ANK3: variants seen among roughly 807,000 people sequenced by gnomAD.
The protein encoded by ANK3 is ankyrin 3.
Under a neutral mutation model 370.9 loss-of-function variants are expected in ANK3, and 57 were observed. The observed-to-expected ratio is 0.15, with a 90% CI of 0.12 to 0.19. ANK3 has a LOEUF of 0.19. ANK3 is among the 10% of genes least tolerant of loss of function. ANK3 has a pLI of 1.00. For missense variants in ANK3, 4,439 were observed against 5,302.1 expected, an observed-to-expected ratio of 0.84 and a Z score of 5.06; for synonymous variants, 1,929 against 1,946.3, an observed-to-expected ratio of 0.99 and a Z score of 0.23.
intron 1 of ANK3, among the ~76,000 whole-genome samples, chr10:60,371,968 T>C (rs2060162534): frequency 6.6e-6 from 1 of 152,196 alleles, no homozygotes; most frequent in African/African-American, 2.4e-5. Context: ...ATTTAGAATA[T>C]AATTTCTAAG....
chr10:60,189,497 G>C (rs2096428442), intron 16 of ANK3, among the ~76,000 whole-genome samples: 1 of 152,186 alleles, frequency 6.6e-6, no homozygotes, highest in Non-Finnish European at 1.5e-5. Context: ...AAAGTATAAA[G>C]CAAGGGAAAA....
intron 1 of ANK3, among the ~76,000 whole-genome samples, chr10:60,663,100 C>T (rs2078955175): frequency 6.6e-6 from 1 of 152,178 alleles, no homozygotes; most frequent in South Asian, 2.1e-4. Flanking sequence ...CCAAAATGAG[C>T]AATTCACATA....
intron 1 of ANK3, among the ~76,000 whole-genome samples, chr10:60,368,477 T>C (rs2132770533): frequency 6.6e-6 from 1 of 152,196 alleles, no homozygotes; most frequent in South Asian, 2.1e-4. Context: ...ATTCATGATG[T>C]TTATTGATTG....
chr10:60,116,921 G>A (rs193020009), intron 25 of ANK3, among the ~76,000 whole-genome samples: 79 of 152,240 alleles, frequency 5.2e-4, no homozygotes, highest in African/African-American at 1.9e-3. Context: ...GTACATCATC[G>A]TAACATTTCA....
chr10:60,322,830 G>T (rs1025424910), intron 1 of ANK3, among the ~76,000 whole-genome samples: 1 of 152,148 alleles, frequency 6.6e-6, no homozygotes, highest in African/African-American at 2.4e-5. Flanking sequence ...TGAATTTGGG[G>T]TATATTTTAA....
chr10:60,521,901 G>A (rs2076356141), intron 2 of ANK3, among the ~76,000 whole-genome samples: 1 of 152,034 alleles, frequency 6.6e-6, no homozygotes, highest in South Asian at 2.1e-4. Context: ...TATCAACAAT[G>A]CTTCTACTTT....
chr10:60,265,510 C>G (rs999721739), intron 5 of ANK3, among the ~76,000 whole-genome samples: 10 of 152,118 alleles, frequency 6.6e-5, no homozygotes, highest in African/African-American at 2.4e-4. Flanking sequence ...GTAGAAAAAT[C>G]CTAGGACTGG....
chr10:60,125,296 G>A (rs549728365), intron 25 of ANK3, among the ~76,000 whole-genome samples: 8 of 152,190 alleles, frequency 5.3e-5, no homozygotes, highest in East Asian at 1.9e-4. Context: ...TTATGAACTC[G>A]AACAAAAGAA....
At chr10:60,042,810 A>G (rs1396809623) in intron 42 of ANK3, 51 bp from the exon 43 acceptor site, 4 of 1,462,978 alleles carry the variant, frequency 2.7e-6, no homozygotes, top group Middle Eastern at 3.5e-4. Context: ...AGTGTTAGTT[A>G]TAAAGCAGTC....
Position 60,292,043 on chromosome 10 carries a change from G to A in ANK3, c.115-12404C>T, listed in dbSNP as rs568579348. Among the ~76,000 whole-genome samples, 57 of 152,118 alleles carry A rather than the reference G, an allele frequency of 3.7e-4. 3 individuals are homozygous for A. Among genetic ancestry groups the A allele is most frequent in the Admixed American group, 6.5e-5 (1 of 15,280 alleles). ...TGTTTTTCAAATTTAAAATGAAAAC[G>A]AATTATTCAACTTTATTTCATTAGG... On this transcript the variant is annotated intron_variant, in intron 1 of 43. Coordinates refer to ENST00000280772, the MANE Select transcript of ANK3 (RefSeq NM_020987.5).
Position 60,697,875 on chromosome 10 carries a change from A to C in ANK3, c.57+35388T>G, listed in dbSNP as rs1156556168. On this transcript the variant is annotated intron_variant, in intron 1 of 43. Transcript: ENST00000373827. The stretch of plus-strand genomic sequence containing the variant: ...ACTTCATGTCTAAAACACCAAAAGC[A>C]ATGGCAACAAAAGCCAAAATTGACA... 5.9e-5 allele frequency among the ~76,000 whole-genome samples: 9 copies of C among 151,662 alleles called. No individual in the cohort carries two copies. In the East Asian group the frequency reaches 7.8e-4, roughly 13 times the overall value.
upstream of ANK3, among the ~76,000 whole-genome samples, chr10:60,393,104 T>G (rs2063146715): frequency 6.6e-6 from 1 of 152,218 alleles, no homozygotes; most frequent in Admixed American, 6.5e-5. Context: ...TCTTTCAAAT[T>G]TTTATTAGCT....
chr10:60,232,776 G>A (rs888319080), intron 8 of ANK3, among the ~76,000 whole-genome samples: 2 of 152,154 alleles, frequency 1.3e-5, no homozygotes, highest in African/African-American at 4.8e-5. Flanking sequence ...ATAAGGGCAG[G>A]GGAAGTGTTG....
chr10:60,190,588 G>C (rs180862490), intron 16 of ANK3, among the ~76,000 whole-genome samples: 1 of 152,212 alleles, frequency 6.6e-6, no homozygotes, highest in Non-Finnish European at 1.5e-5. Context: ...TTCTGGGAAA[G>C]CCTTGTTGTG....
intron 1 of ANK3, among the ~76,000 whole-genome samples, chr10:60,730,364 C>G (rs1284634014): frequency 6.6e-6 from 1 of 152,086 alleles, no homozygotes; most frequent in Non-Finnish European, 1.5e-5. Context: ...CGCTATATTA[C>G]CAGGGCTGGT....
chr10:60,223,740 T>A (rs1231444858), intron 8 of ANK3, among the ~76,000 whole-genome samples: 1 of 152,200 alleles, frequency 6.6e-6, no homozygotes, highest in Non-Finnish European at 1.5e-5. Context: ...AAAGTAAAAT[T>A]CTCGATAGAA....
At chr10:60,286,031 A>G (rs2098239661) in intron 1 of ANK3, among the ~76,000 whole-genome samples, 1 of 152,206 alleles carries the variant, frequency 6.6e-6, no homozygotes, top group East Asian at 1.9e-4. Context: ...TTTTAAAAAA[A>G]GTATTTATCT....
intron 10 of ANK3, 47 bp downstream of exon 10, chr10:60,207,989 T>C: frequency 1.3e-6 from 2 of 1,536,672 alleles, no homozygotes; most frequent in South Asian, 1.1e-5. Flanking sequence ...AGGCAGCACG[T>C]TGTGAGCAAG....
At chr10:60,706,990 C>T (rs1206042847) in intron 1 of ANK3, among the ~76,000 whole-genome samples, 2 of 152,202 alleles carry the variant, frequency 1.3e-5, no homozygotes, top group East Asian at 1.9e-4. Context: ...TATATACATG[C>T]TTATGTTTCA....
Sources: gnomAD v4.1 joint callset for allele counts (sites outside exome capture counted in the v4.1 genomes callset) on GRCh38, gnomAD v4.1.1 for gene constraint, MANE v1.5 for transcripts, NCBI Gene and HGNC (gene_info 2026-07-23, HGNC 2026-07-21) for gene names.